SEMA6D: variants seen among roughly 807,000 people sequenced by gnomAD.
SEMA6D encodes the protein semaphorin 6D, also known as semaphorin-6D.
In SEMA6D, 35 loss-of-function variants were observed where a neutral mutation model predicts 106.6. That is an observed-to-expected ratio of 0.33 (90% CI 0.25 to 0.44). The LOEUF (loss-of-function observed/expected upper bound fraction) is 0.44, where lower values mean the gene tolerates loss of function less well. SEMA6D is among the 20% of genes least tolerant of loss of function. SEMA6D has a pLI of 1.00. For synonymous variants in SEMA6D, 499 were observed against 487.7 expected (o/e 1.02, Z -0.31); for missense variants, 1,185 against 1,345.9 (o/e 0.88, Z 1.87).
intron 1 of SEMA6D, among the ~76,000 whole-genome samples, chr15:47,403,511 T>C (rs138335395): frequency 6.6e-6 from 1 of 152,320 alleles, no homozygotes; most frequent in Non-Finnish European, 1.5e-5. Context: ...GTCTCTTCCT[T>C]TAAAGAATTC....
intron 3 of SEMA6D, among the ~76,000 whole-genome samples, chr15:47,594,887 A>G (rs2076506398): frequency 6.6e-6 from 1 of 152,176 alleles, no homozygotes; most frequent in Non-Finnish European, 1.5e-5. Context: ...GTCTGAGGGC[A>G]TGTGTGTATC....
At chr15:47,359,499 G>C (rs943528150) in intron 1 of SEMA6D, 1 of 152,078 alleles carries the variant, frequency 6.6e-6, no homozygotes, top group African/African-American at 2.4e-5. Flanking sequence ...TCTTTCTTCA[G>C]CTCTCTAGCA....
intron 3 of SEMA6D, among the ~76,000 whole-genome samples, chr15:47,570,061 C>CA (rs565055320): frequency 0.047 from 6,640 of 140,758 alleles, 202 homozygotes; most frequent in Middle Eastern, 0.14. Flanking sequence ...GACTCCATCT[C>CA]AAAAAAAAAA....
At chr15:47,730,566 C>T in intron 1 of SEMA6D, 2 of 1,435,370 alleles carry the variant, frequency 1.4e-6, no homozygotes, top group Non-Finnish European at 2.0e-6. Context: ...GGGACATCCC[C>T]TTTGCCAGCA....
chr15:47,265,049 A>G (rs955436214), intron 1 of SEMA6D, among the ~76,000 whole-genome samples: 3 of 152,050 alleles, frequency 2.0e-5, no homozygotes, highest in African/African-American at 7.2e-5. Flanking sequence ...CCACGTGCAT[A>G]AGAGATACTG....
intron 1 of SEMA6D, among the ~76,000 whole-genome samples, chr15:47,214,097 C>A (rs1312220262): frequency 2.0e-5 from 3 of 152,086 alleles, no homozygotes; most frequent in Non-Finnish European, 4.4e-5. Context: ...TTAAAAGCAC[C>A]ATGAGCAATA....
intron 3 of SEMA6D, among the ~76,000 whole-genome samples, chr15:47,483,613 A>C (rs893389314): frequency 6.6e-6 from 1 of 152,098 alleles, no homozygotes; most frequent in East Asian, 1.9e-4. Flanking sequence ...TTAACTCAGG[A>C]TGTTTTAAAA....
chr15:47,660,220 G>A (rs577712966), intron 4 of SEMA6D, among the ~76,000 whole-genome samples: 69 of 151,960 alleles, frequency 4.5e-4, no homozygotes, highest in African/African-American at 1.7e-3. Context: ...TGAGAAATAG[G>A]TAAAGTCACT....
chr15:47,358,767 A>G (rs2038689178), intron 1 of SEMA6D, among the ~76,000 whole-genome samples: 1 of 152,226 alleles, frequency 6.6e-6, no homozygotes, highest in South Asian at 2.1e-4. Flanking sequence ...GGACTCAATG[A>G]GGCAGGGCCC....
At chr15:47,564,118 T>G (rs2046159889) in intron 3 of SEMA6D, among the ~76,000 whole-genome samples, 1 of 152,230 alleles carries the variant, frequency 6.6e-6, no homozygotes, top group African/African-American at 2.4e-5. Flanking sequence ...TCATGGAGTG[T>G]GTTTACTCAT....
chr15:47,195,942 G>A (rs201965014), intron 1 of SEMA6D, among the ~76,000 whole-genome samples: 1 of 151,926 alleles, frequency 6.6e-6, no homozygotes, highest in Non-Finnish European at 1.5e-5. Context: ...AGAAAGCAAG[G>A]CCCCCCAGGC....
intron 1 of SEMA6D, among the ~76,000 whole-genome samples, chr15:47,377,152 C>T (rs1429648993): frequency 6.6e-6 from 1 of 152,062 alleles, no homozygotes; most frequent in Non-Finnish European, 1.5e-5. Context: ...TTTAAATGAG[C>T]AAATTAATAA....
Position 47,761,047 on chromosome 15 carries a change from C to T in SEMA6D, c.282+9C>T, listed in dbSNP as rs575200196. On this transcript the variant is annotated intron_variant, in intron 4 of 18. Transcript: ENST00000536845. ...AAGTAATACCCAACAAGGTGAGCAA[C>T]TGTAGTTGGCAAATTTATTTACCTT... 5.0e-6 allele frequency: 8 copies of T among 1,613,204 alleles called. No individual in the cohort carries two copies. In the East Asian group the frequency reaches 8.9e-5, roughly 18 times the overall value.
At chr15:47,670,891 T>C (rs1447306443) in intron 4 of SEMA6D, among the ~76,000 whole-genome samples, 1 of 152,192 alleles carries the variant, frequency 6.6e-6, no homozygotes, top group East Asian at 1.9e-4. Flanking sequence ...GATTTTGGTT[T>C]CCATTTAATT....
At chr15:47,672,631 G>A (rs1566975815) in intron 4 of SEMA6D, among the ~76,000 whole-genome samples, 1 of 152,086 alleles carries the variant, frequency 6.6e-6, no homozygotes, top group Non-Finnish European at 1.5e-5. Flanking sequence ...TTGAGTATGT[G>A]TATTGATGAT....
At chr15:47,303,365 T>G (rs1227073692) in intron 1 of SEMA6D, among the ~76,000 whole-genome samples, 1 of 152,230 alleles carries the variant, frequency 6.6e-6, no homozygotes, top group Non-Finnish European at 1.5e-5. Context: ...ATCTCTGCAT[T>G]TACTGTTCCA....
intron 1 of SEMA6D, among the ~76,000 whole-genome samples, chr15:47,738,407 G>T (rs888075931): frequency 1.3e-5 from 2 of 152,104 alleles, no homozygotes; most frequent in Non-Finnish European, 2.9e-5. Flanking sequence ...CCATTGATGG[G>T]CATTTGGGTT....
intron 1 of SEMA6D, among the ~76,000 whole-genome samples, chr15:47,199,092 T>C (rs1285950137): frequency 6.6e-6 from 1 of 152,174 alleles, no homozygotes; most frequent in Non-Finnish European, 1.5e-5. Context: ...TCATTAAAAG[T>C]TTCTGTATGT....
rs1344850894 is a variant in SEMA6D at position 47,771,546 on chromosome 15, A to G, written c.2983A>G (p.Met995Val). Residue 995 changes from methionine to valine, a missense_variant, in exon 19 of 19, where the codon ATG becomes GTG. Transcript: ENST00000536845. Reference sequence around the variant, plus strand: ...TGTTTTGTTATCCAGACAGCCTAGTATGAACCGTGGAGGATATATGCCCAC... The same window carrying G: ...TGTTTTGTTATCCAGACAGCCTAGTGTGAACCGTGGAGGATATATGCCCAC... The part of the protein sequence containing the change: ...NGVLLSRQPS[M>V]NRGGYMPTPT... 1.9e-6 allele frequency: 3 copies of G among 1,613,990 alleles called. No homozygotes were observed. The highest frequency in any genetic ancestry group is 1.7e-6 in the Non-Finnish European group (2 of 1,179,994).
Sources: allele counts gnomAD v4.1 joint callset (sites outside exome capture counted in the v4.1 genomes callset), GRCh38; gene constraint gnomAD v4.1.1; transcripts MANE v1.5; gene names NCBI Gene and HGNC (gene_info 2026-07-23, HGNC 2026-07-21).